Variants in KCNJ10 observed in about 807,000 individuals in gnomAD.
KCNJ10 encodes the protein ATP-sensitive inward rectifier potassium channel 10.
In KCNJ10, 9 loss-of-function variants were observed where a neutral mutation model predicts 22.2. The ratio of observed to expected loss-of-function variants is 0.40; its 90% confidence interval spans 0.24 to 0.71. KCNJ10 has a LOEUF of 0.71. KCNJ10 is among the 30% of genes least tolerant of loss of function. KCNJ10 has a pLI of 0.35. For missense variants in KCNJ10, 337 were observed against 482.7 expected, an observed-to-expected ratio of 0.70 and a Z score of 2.83; for synonymous variants, 184 against 187.3, an observed-to-expected ratio of 0.98 and a Z score of 0.15.
Position 160,039,753 on chromosome 1 carries a change from T to C in KCNJ10, c.*1640A>G, listed in dbSNP as rs1479247420. The C allele has an allele frequency of 6.6e-6, 1 of 152,244 alleles. No individual in the cohort carries two copies. Among genetic ancestry groups the C allele is most frequent in the East Asian group, 1.9e-4 (1 of 5,200 alleles). The allele number at this position is 152,244 out of a possible 1,614,324, so 9.4% of individuals were successfully genotyped here. On this transcript the variant is annotated 3_prime_UTR_variant, in exon 2 of 2. Transcript: ENST00000644903. ...AAGGCTCTGTACATAGATGCATGTA[T>C]ATATTCTGTAGCTTGTAACAATTGG... is the stretch of plus-strand genomic sequence containing the variant.
At chr1:160,060,337 T>G (rs1649153774) in intron 1 of KCNJ10, among the ~76,000 whole-genome samples, 1 of 152,052 alleles carries the variant, frequency 6.6e-6, no homozygotes, top group Non-Finnish European at 1.5e-5. Context: ...ATTGAGCAGT[T>G]CTCTTTCTCC....
At chr1:160,062,914 G>A (rs1382660836) in intron 1 of KCNJ10, among the ~76,000 whole-genome samples, 1 of 152,148 alleles carries the variant, frequency 6.6e-6, no homozygotes, top group Non-Finnish European at 1.5e-5. Flanking sequence ...TCTGGAGGCT[G>A]AAGAAGCTAC....
At chr1:160,046,189 C>G (rs1648737997) in intron 1 of KCNJ10, among the ~76,000 whole-genome samples, 1 of 152,186 alleles carries the variant, frequency 6.6e-6, no homozygotes, top group Non-Finnish European at 1.5e-5. Flanking sequence ...AGAATGGAAG[C>G]TCTTAGGGCC....
rs922141120 is a variant in KCNJ10, at chr1:160,038,849, G to C, written c.*2544C>G. ...TTTCTTTCTCATCTTCTCACCCCAG[G>C]TATCTTCCCCCATCAGTTGTTTCGC... On this transcript the variant is annotated 3_prime_UTR_variant, in exon 2 of 2. Transcript: ENST00000644903. 15 of 151,952 alleles carry C rather than the reference G, an allele frequency of 9.9e-5. No individual in the cohort carries two copies. Among genetic ancestry groups the C allele is most frequent in the African/African-American group, 3.4e-4 (14 of 41,320 alleles). The allele number at this position is 151,952 out of a possible 1,614,324, so 9.4% of individuals were successfully genotyped here.
intron 1 of KCNJ10, among the ~76,000 whole-genome samples, chr1:160,044,137 G>C (rs890538259): frequency 2.6e-5 from 4 of 152,136 alleles, no homozygotes; most frequent in African/African-American, 9.7e-5. Flanking sequence ...GATCACCAAT[G>C]GATGAGAACC....
chr1:160,050,763 C>T (rs1648882758), intron 1 of KCNJ10, among the ~76,000 whole-genome samples: 1 of 152,078 alleles, frequency 6.6e-6, no homozygotes, highest in Non-Finnish European at 1.5e-5. Context: ...CTTAATAGGA[C>T]ACACTGGGAA....
chr1:160,043,270 A>ACACAC (rs1553235194), intron 1 of KCNJ10, among the ~76,000 whole-genome samples: 8 of 24,044 alleles, frequency 3.3e-4, no homozygotes, highest in African/African-American at 4.0e-4. Flanking sequence ...AATCCCCCTT[A>ACACAC]AAACACACAC....
rs757708423 is a variant in KCNJ10 at position 160,041,967 on chromosome 1, G to A, written c.566C>T (p.Ser189Phe). The A allele has an allele frequency of 5.0e-6, 8 of 1,604,792 alleles. No homozygotes were observed. The South Asian group carries it at 6.7e-5, about 13-fold the overall frequency. Residue 189 changes from serine (S) to phenylalanine (F), a missense_variant, in exon 2 of 2, where the codon TCC (serine) becomes TTC (phenylalanine). Physicochemically the swap from Ser to Phe is radical, Grantham distance 155. This residue lies in a region of KCNJ10 where 165 missense variants were observed against 281.5 expected (regional missense o/e 0.59). Coordinates refer to ENST00000644903, the MANE Select transcript of KCNJ10 (RefSeq NM_002241.5). This position sits in a 1 kb window ranked among gnomAD's most constrained non-coding sequence, Gnocchi z 4.4. ...IRFSQHAVVA[S>F]HNGKPCLMIR... ...CATGAGGCAGGGCTTGCCATTGTGG[G>A]AGGCCACAACTGCATGCTGGCTGAA...
At chr1:160,049,680 TATATATATATATATATATATATATATA>T (rs1648841015) in intron 1 of KCNJ10, among the ~76,000 whole-genome samples, 1 of 71,400 alleles carries the variant, frequency 1.4e-5, no homozygotes, top group African/African-American at 5.7e-5. Flanking sequence ...TTTATTTATA[TATATATATATATATATATATATATATA>T]TATATATATA....
chr1:160,043,682 G>A (rs1385591930), intron 1 of KCNJ10, among the ~76,000 whole-genome samples: 1 of 152,254 alleles, frequency 6.6e-6, no homozygotes, highest in East Asian at 1.9e-4. Context: ...TTGACAGAAT[G>A]AAGTAGAAGA....
At position 160,042,388 on chromosome 1, in the gene KCNJ10, A is replaced by G; in HGVS notation, c.145T>C (p.Phe49Leu). The G allele has an allele frequency of 6.2e-7, 1 of 1,614,148 alleles. No homozygotes were observed. Among genetic ancestry groups the G allele is most frequent in the East Asian group, 2.2e-5 (1 of 44,884 alleles). ...VRMEHIADKR[F>L]LYLKDLWTTF... The stretch of plus-strand genomic sequence containing the variant: ...GTCCACAGGTCCTTGAGGTAGAGGA[A>G]GCGCTTGTCGGCAATGTGCTCCATT... Residue 49 changes from phenylalanine (F) to leucine (L), a missense_variant, in exon 2 of 2, where the codon TTC becomes CTC. Physicochemically the swap from Phe to Leu is conservative, Grantham distance 22. Transcript: ENST00000644903.
Position 160,041,672 on chromosome 1 carries a change from C to G in KCNJ10, c.861G>C (p.Val287=). ...CCTGACAGGTGGCACTGGTGGACTC[C>G]ACTGTCCCACTTAGGATCAGCACCA... ...FELVLILSGT[V]ESTSATCQVR... The change falls in exon 2 of 2, where the codon GTG becomes GTC. Residue 287 remains valine (V), a synonymous_variant. Transcript: ENST00000644903. The surrounding 1 kb of genome is among the most constrained non-coding windows in gnomAD (Gnocchi z 4.4). 1 of 1,614,196 alleles carries G rather than the reference C, an allele frequency of 6.2e-7. No individual in the cohort carries two copies. Among genetic ancestry groups the G allele is most frequent in the East Asian group, 2.2e-5 (1 of 44,886 alleles).
At chr1:160,043,272 A>AAC (rs779402094) in intron 1 of KCNJ10, among the ~76,000 whole-genome samples, 8,211 of 132,532 alleles carry the variant, frequency 0.062, 343 homozygotes, top group Non-Finnish European at 0.088. Context: ...TCCCCCTTAA[A>AAC]ACACACACAC....
intron 1 of KCNJ10, among the ~76,000 whole-genome samples, chr1:160,059,057 C>G (rs1032204176): frequency 3.3e-5 from 5 of 152,188 alleles, no homozygotes; most frequent in African/African-American, 1.2e-4. Context: ...ACGCTCCATG[C>G]CGTGCTTCAT....
intron 1 of KCNJ10, among the ~76,000 whole-genome samples, chr1:160,059,812 AAG>A (rs1164882940): frequency 1.3e-5 from 2 of 152,150 alleles, no homozygotes; most frequent in Non-Finnish European, 2.9e-5. Flanking sequence ...TAGGTGACTA[AAG>A]GGGGACTTTT....
intron 1 of KCNJ10, among the ~76,000 whole-genome samples, chr1:160,067,490 A>G (rs1649347672): frequency 6.6e-6 from 1 of 152,032 alleles, no homozygotes; most frequent in Non-Finnish European, 1.5e-5. Context: ...TTCCTCTCCA[A>G]TCTTTCTGTA....
Position 160,042,317 on chromosome 1 carries a change from A to G in KCNJ10, c.216T>C (p.Ser72=). The change falls in exon 2 of 2, where the codon TCT becomes TCC. Residue 72 remains serine (S), a synonymous_variant. Coordinates refer to ENST00000644903, the MANE Select transcript of KCNJ10 (RefSeq NM_002241.5). ...GGAACCATGTGCCTGCAAAGGTCGC[A>G]GAGAAGAGCAGAAGCTTGTAGCGCC... ...MQWRYKLLLF[S]ATFAGTWFLF... is the part of the protein sequence containing the mutation. 6.2e-7 allele frequency: 1 copy of G among 1,613,568 alleles called. No individual in the cohort carries two copies. The highest frequency in any genetic ancestry group is 1.3e-5 in the African/African-American group (1 of 75,066).
intron 1 of KCNJ10, among the ~76,000 whole-genome samples, chr1:160,066,041 T>C (rs180756064): frequency 4.1e-4 from 62 of 152,104 alleles, no homozygotes; most frequent in African/African-American, 1.3e-3. Flanking sequence ...GGATGAAGAA[T>C]ACAAGAGCGA....
chr1:160,038,651 G>T lies in KCNJ10; in HGVS notation c.*2742C>A, dbSNP rs955233280. The T allele has an allele frequency of 2.6e-5, 4 of 151,990 alleles. No individual in the cohort carries two copies. Among genetic ancestry groups the T allele is most frequent in the Admixed American group, 6.6e-5 (1 of 15,264 alleles). 9.4% of individuals were successfully genotyped at this position (151,990 alleles called of 1,614,324 possible). A position where few individuals can be genotyped will look rare whatever the true frequency, so the allele number is the denominator to read the frequency against. The stretch of plus-strand genomic sequence containing the variant: ...CTTTCTGTACATTCAATATATTTGG[G>T]CATATATACATCTATATACATCTTT... On this transcript the variant is annotated 3_prime_UTR_variant, in exon 2 of 2. Coordinates refer to ENST00000644903, the MANE Select transcript of KCNJ10 (RefSeq NM_002241.5).
Sources: allele counts gnomAD v4.1 joint callset (sites outside exome capture counted in the v4.1 genomes callset), GRCh38; gene constraint gnomAD v4.1.1; regional missense constraint gnomAD v4.1.1; non-coding constraint Gnocchi (gnomAD v3.1); transcripts MANE v1.5; gene names NCBI Gene and HGNC (gene_info 2026-07-23, HGNC 2026-07-21).